The following EFHB variants were observed in gnomAD, a reference collection of about 807,000 sequenced individuals.
EFHB encodes EF-hand domain family member B, also known as EF-hand domain-containing family member B.
A neutral mutation model predicts 87.2 loss-of-function variants in EFHB; 91 were observed. That is an observed-to-expected ratio of 1.04 (90% CI 0.88 to 1.24). The LOEUF is 1.24. Ranked by LOEUF, EFHB falls within the 50% of genes most tolerant of loss-of-function variation. EFHB has a pLI of 0.00. For missense variants in EFHB, 1,084 were observed against 998.8 expected, an observed-to-expected ratio of 1.09 and a Z score of -1.15; for synonymous variants, 325 against 333.6, an observed-to-expected ratio of 0.97 and a Z score of 0.28.
intron 1 of EFHB, chr3:19,946,079 AT>A (rs1696272225): frequency 6.6e-6 from 1 of 152,228 alleles, no homozygotes; most frequent in Non-Finnish European, 1.5e-5. Flanking sequence ...AAAGCAGCAC[AT>A]CTTCAGTAGG....
chr3:19,900,772 T>C (rs2125131795), intron 6 of EFHB, among the ~76,000 whole-genome samples: 1 of 152,018 alleles, frequency 6.6e-6, no homozygotes, highest in South Asian at 2.1e-4. Flanking sequence ...CTACTAAAAC[T>C]ACAAAAATTA....
At chr3:19,896,645 G>T in intron 9 of EFHB, 42 bp downstream of exon 9, 1 of 1,613,484 alleles carries the variant, frequency 6.2e-7, no homozygotes, top group Non-Finnish European at 8.5e-7. Flanking sequence ...GCTGGGATCT[G>T]TAAGCCCATG....
At chr3:19,909,258 C>A (rs146688634) in intron 5 of EFHB, among the ~76,000 whole-genome samples, 1 of 152,058 alleles carries the variant, frequency 6.6e-6, no homozygotes, top group South Asian at 2.1e-4. Context: ...GGCACCAGGG[C>A]AGGGAGAACA....
chr3:19,919,196 T>C (rs1313087431), intron 3 of EFHB, among the ~76,000 whole-genome samples: 1 of 150,290 alleles, frequency 6.7e-6, no homozygotes, highest in East Asian at 1.9e-4. Context: ...AGTCTTTTTT[T>C]GTTTGTTTGT....
intron 1 of EFHB, among the ~76,000 whole-genome samples, chr3:19,939,412 T>G (rs1696101042): frequency 9.1e-6 from 1 of 110,088 alleles, no homozygotes; most frequent in Non-Finnish European, 1.8e-5. Context: ...GGATGGAGTC[T>G]CACTCTGTCG....
rs932467885 is a variant in EFHB, at chr3:19,888,646, T to G, written c.1731A>C (p.Gly577=). 2 of 1,602,976 alleles carry G rather than the reference T, an allele frequency of 1.2e-6. No homozygotes were observed. The highest frequency in any genetic ancestry group is 2.7e-5 in the African/African-American group (2 of 74,834). The part of the protein sequence containing the change: ...LAAFRHYDKK[G]DGMIDKDELQ... Reference sequence around the variant, plus strand: ...GCTCGTCTTTATCTATCATCCCATCTCCCTTCTGTTATACAGGAAGCAAAA... The same window carrying G: ...GCTCGTCTTTATCTATCATCCCATCGCCCTTCTGTTATACAGGAAGCAAAA... Residue 577 remains glycine (G), a synonymous_variant, in exon 10 of 13, where the codon GGA becomes GGC. Transcript: ENST00000295824.
At chr3:19,930,392 C>T (rs1260694048) in intron 1 of EFHB, among the ~76,000 whole-genome samples, 1 of 152,162 alleles carries the variant, frequency 6.6e-6, no homozygotes, top group Non-Finnish European at 1.5e-5. Flanking sequence ...TTATCTCAAA[C>T]TCCTCCACTG....
At chr3:19,924,214 CTCTT>C (rs1305504559) in intron 1 of EFHB, among the ~76,000 whole-genome samples, 2 of 150,716 alleles carry the variant, frequency 1.3e-5, no homozygotes, top group Non-Finnish European at 3.0e-5. Context: ...CTCTCTCTCT[CTCTT>C]TTTTTTTTTT....
chr3:19,882,625 T>C lies in EFHB; in HGVS notation c.2253A>G (p.Ser751=). 4 of 1,613,420 alleles carry C rather than the reference T, an allele frequency of 2.5e-6. No homozygotes were observed. The highest frequency in any genetic ancestry group is 1.7e-5 in the Admixed American group (1 of 59,946). The change falls in exon 12 of 13, where the codon TCA becomes TCG. Residue 751 remains serine (S), a synonymous_variant. Transcript: ENST00000295824. ...TNYGEEGSAY[S]LLYPTIFARK... ...GGGCAAAAATGGTAGGATATAGTAG[T>C]GAATATGCACTACCTTCTTCACCAT...
At chr3:19,935,628 T>C (rs9822900), upstream of EFHB, among the ~76,000 whole-genome samples, 4,500 of 151,464 alleles carry the variant, frequency 0.03, 223 homozygotes, top group African/African-American at 0.1. Context: ...AAGAGAATCA[T>C]TTAAACCCGG....
chr3:19,927,397 T>C (rs1342312660), intron 1 of EFHB, among the ~76,000 whole-genome samples: 1 of 152,220 alleles, frequency 6.6e-6, no homozygotes, highest in Admixed American at 6.5e-5. Context: ...AATCTCTCCT[T>C]AGGCCAGTAT....
At chr3:19,909,436 C>T (rs1368608913) in intron 5 of EFHB, among the ~76,000 whole-genome samples, 2 of 152,186 alleles carry the variant, frequency 1.3e-5, no homozygotes, top group Non-Finnish European at 2.9e-5. Flanking sequence ...AACCTCGCCA[C>T]CAAGGGCTAC....
chr3:19,936,359 T>C, upstream of EFHB: 1 of 508,626 alleles, frequency 2.0e-6, no homozygotes. Flanking sequence ...AGTCCAGGAG[T>C]TCAAGACATG....
chr3:19,917,483 A>T (rs1695274053), intron 4 of EFHB, among the ~76,000 whole-genome samples: 1 of 152,176 alleles, frequency 6.6e-6, no homozygotes, highest in African/African-American at 2.4e-5. Context: ...CTCAATGGGT[A>T]TGGAAAGACA....
intron 1 of EFHB, among the ~76,000 whole-genome samples, chr3:19,932,988 A>C (rs1575050620): frequency 6.6e-6 from 1 of 152,204 alleles, no homozygotes; most frequent in Non-Finnish European, 1.5e-5. Flanking sequence ...AAAGGAGAAA[A>C]GAGAAATCAG....
chr3:19,935,231 G>T (rs989479595), upstream of EFHB, among the ~76,000 whole-genome samples: 3 of 152,086 alleles, frequency 2.0e-5, no homozygotes, highest in African/African-American at 7.2e-5. Context: ...TTTAAAGTTT[G>T]AGATATGCTA....
upstream of EFHB, chr3:19,934,325 CTCTCTCCCCTCTTCTCTCTCCTCTG>C: frequency 2.6e-6 from 3 of 1,156,086 alleles, no homozygotes; most frequent in Non-Finnish European, 2.2e-6. Context: ...CAATCTCTCT[CTCTCTCCCCTCTTCTCTCTCCTCTG>C]TCTCTCTCTC....
chr3:19,940,754 G>C, intron 1 of EFHB: 1 of 345,574 alleles, frequency 2.9e-6, no homozygotes, highest in Non-Finnish European at 5.8e-6. Context: ...TATCAAATGT[G>C]ACTTCAATGT....
In EFHB at chr3:19,899,415, G is replaced by C; in HGVS notation, c.1502+17C>G. 1 of 1,562,742 alleles carries C rather than the reference G, an allele frequency of 6.4e-7. No homozygotes were observed. Among genetic ancestry groups the C allele is most frequent in the Non-Finnish European group, 8.7e-7 (1 of 1,149,632 alleles). ...TATGCAAAGAAACTATCAATTTGAA[G>C]TTAATCATTAACTTACGGATCTAAA... On this transcript the variant is annotated intron_variant, in intron 7 of 12. Coordinates refer to ENST00000295824, the MANE Select transcript of EFHB (RefSeq NM_144715.4).
Sources: gnomAD v4.1 joint callset for allele counts (sites outside exome capture counted in the v4.1 genomes callset) on GRCh38, gnomAD v4.1.1 for gene constraint, MANE v1.5 for transcripts, NCBI Gene and HGNC (gene_info 2026-07-23, HGNC 2026-07-21) for gene names.